The following KIF6 variants were observed in gnomAD, a reference collection of about 807,000 sequenced individuals.
The protein encoded by KIF6 is kinesin family member 6.
KIF6 carries 106 observed loss-of-function variants against 112.7 expected under a neutral mutation model. The observed-to-expected ratio is 0.94, with a 90% CI of 0.80 to 1.11. The LOEUF (loss-of-function observed/expected upper bound fraction) is 1.11, where lower values mean the gene tolerates loss of function less well. Among genes scored for constraint, KIF6 ranks in the 50% least tolerant of loss-of-function variants. KIF6 has a pLI of 0.00. For synonymous variants in KIF6, 339 were observed against 339.9 expected, an observed-to-expected ratio of 1.00 and a Z score of 0.03; for missense variants, 929 against 964.0, an observed-to-expected ratio of 0.96 and a Z score of 0.48.
intron 14 of KIF6, among the ~76,000 whole-genome samples, chr6:39,421,743 G>T (rs374667488): frequency 2.0e-5 from 3 of 152,182 alleles, no homozygotes; most frequent in Non-Finnish European, 4.4e-5. Context: ...CAGGCTCATC[G>T]TAGATTATGT....
At position 39,662,734 on chromosome 6, in the gene KIF6, TACTC is replaced by T. The variant is rs773049733; in HGVS notation, c.252-22981_252-22978del. On this transcript the variant is annotated intron_variant, in intron 3 of 22. Transcript: ENST00000287152. ...AAAAAAATTATCTTGAATAATAAAA[TACTC>T]AAACTGAAAACAAGATCCACAAAAG... Among the ~76,000 whole-genome samples the T allele has an allele frequency of 4.6e-5, 7 of 152,210 alleles. No homozygotes were observed. In the South Asian group the frequency reaches 1.5e-3, roughly 32 times the overall value.
chr6:39,528,633 T>G (rs1258246105), intron 13 of KIF6, among the ~76,000 whole-genome samples: 1 of 152,248 alleles, frequency 6.6e-6, no homozygotes, highest in Non-Finnish European at 1.5e-5. Context: ...TCCCCAACAC[T>G]TGTCATCTCT....
chr6:39,703,077 C>CT (rs1433235194), intron 3 of KIF6, among the ~76,000 whole-genome samples: 8 of 37,406 alleles, frequency 2.1e-4, no homozygotes, highest in African/African-American at 3.7e-4. Context: ...ATCCACCAAC[C>CT]CCCCACCCCC....
At chr6:39,556,635 C>T (rs79398881) in intron 10 of KIF6, among the ~76,000 whole-genome samples, 93 of 149,700 alleles carry the variant, frequency 6.2e-4, no homozygotes, top group African/African-American at 2.2e-3. Flanking sequence ...AGAGGCAAGA[C>T]GGCCGGTGGG....
chr6:39,431,657 AG>A (rs1210632066), intron 13 of KIF6, among the ~76,000 whole-genome samples: 1 of 152,144 alleles, frequency 6.6e-6, no homozygotes, highest in African/African-American at 2.4e-5. Context: ...GTGGTTAGTG[AG>A]GGGGTCTCGG....
At chr6:39,607,434 C>T (rs942736250) in intron 6 of KIF6, among the ~76,000 whole-genome samples, 2 of 152,060 alleles carry the variant, frequency 1.3e-5, no homozygotes, top group Admixed American at 6.5e-5. Flanking sequence ...AAATGCTTGT[C>T]ATATAGTAAG....
chr6:39,350,587 T>G (rs994613675), intron 19 of KIF6, among the ~76,000 whole-genome samples: 2 of 151,994 alleles, frequency 1.3e-5, no homozygotes, highest in Non-Finnish European at 2.9e-5. Context: ...CAGTGCTGTC[T>G]CCCTTGGGAA....
intron 20 of KIF6, among the ~76,000 whole-genome samples, chr6:39,346,169 C>CTCTCTCTCTCTCTCTCTCT (rs1763789974): frequency 1.4e-5 from 2 of 142,818 alleles, no homozygotes; most frequent in East Asian, 2.2e-4. Flanking sequence ...CTCTTTCTCT[C>CTCTCTCTCTCTCTCTCTCT]CTATGTGAGC....
rs2045576 is a variant in KIF6 at position 39,614,401 on chromosome 6, G to C, written c.510-1083C>G. ...TCCTTTAAAAGAAAAACTAGCAGATGGACATGTGTAATTTTCTTTTTTATA... is the reference window on the plus strand; with the variant it reads ...TCCTTTAAAAGAAAAACTAGCAGATCGACATGTGTAATTTTCTTTTTTATA... On this transcript the variant is annotated intron_variant, in intron 5 of 22. Transcript: ENST00000287152. Among the ~76,000 whole-genome samples the C allele has an allele frequency of 2.2e-3, 340 of 152,224 alleles. 1 individual carries two copies. Among genetic ancestry groups the C allele is most frequent in the Non-Finnish European group, 3.9e-3 (266 of 68,002 alleles).
In KIF6 at chr6:39,440,408, G is replaced by A. The variant is rs901170874; in HGVS notation, c.1646-9247C>T. ...TGCATACAAGAATGAGAAGCAATGG[G>A]CAGAGATCAAGTGTGTTTTTTGTAT... On this transcript the variant is annotated intron_variant, in intron 13 of 22. Coordinates refer to ENST00000287152, the MANE Select transcript of KIF6 (RefSeq NM_145027.6). Among the ~76,000 whole-genome samples, 223 of 152,346 alleles carry A rather than the reference G, an allele frequency of 1.5e-3. 7 individuals are homozygous for A. Among genetic ancestry groups the A allele is most frequent in the Admixed American group, 0.014 (221 of 15,306 alleles).
intron 13 of KIF6, among the ~76,000 whole-genome samples, chr6:39,441,195 T>A (rs1274068234): frequency 6.6e-6 from 1 of 152,202 alleles, no homozygotes; most frequent in Non-Finnish European, 1.5e-5. Context: ...AATCTCAGCA[T>A]CTTTCCTGGG....
chr6:39,708,387 A>C (rs982526489), intron 3 of KIF6, among the ~76,000 whole-genome samples: 4 of 152,330 alleles, frequency 2.6e-5, no homozygotes, highest in Non-Finnish European at 4.4e-5. Flanking sequence ...GCTCCTGATA[A>C]TGTTCATCAC....
In KIF6 at chr6:39,518,839, G is replaced by T. The variant is rs370902190; in HGVS notation, c.1645+21164C>A. On this transcript the variant is annotated intron_variant, in intron 13 of 22. Transcript: ENST00000287152. ...AAATGGTAAATGCTTAACTTCTAGA[G>T]AAATAAAATTTCTAAAAAGAGATCT... Among the ~76,000 whole-genome samples the T allele has an allele frequency of 2.6e-5, 4 of 152,212 alleles. No individual in the cohort carries two copies. The South Asian group carries it at 6.2e-4, about 24-fold the overall frequency.
chr6:39,542,224 G>C (rs1237594343), intron 12 of KIF6, among the ~76,000 whole-genome samples: 1 of 152,096 alleles, frequency 6.6e-6, no homozygotes, highest in Non-Finnish European at 1.5e-5. Flanking sequence ...ATCGCAATAC[G>C]AATCTATCTT....
chr6:39,657,879 C>A (rs1785895151), intron 3 of KIF6, among the ~76,000 whole-genome samples: 1 of 152,194 alleles, frequency 6.6e-6, no homozygotes, highest in South Asian at 2.1e-4. Flanking sequence ...GCTATACCAC[C>A]TTTGTCAAAC....
intron 13 of KIF6, among the ~76,000 whole-genome samples, chr6:39,525,178 T>C (rs1777641564): frequency 6.6e-6 from 1 of 152,100 alleles, no homozygotes; most frequent in Non-Finnish European, 1.5e-5. Context: ...GGTCTCACGT[T>C]GTCACCCAGG....
At chr6:39,549,332 T>A (rs1779242764) in intron 10 of KIF6, among the ~76,000 whole-genome samples, 1 of 152,200 alleles carries the variant, frequency 6.6e-6, no homozygotes, top group African/African-American at 2.4e-5. Context: ...ACAGCCAACA[T>A]TGAGCATGCA....
chr6:39,682,702 C>A (rs901231245), intron 3 of KIF6, among the ~76,000 whole-genome samples: 7 of 152,124 alleles, frequency 4.6e-5, no homozygotes, highest in African/African-American at 1.7e-4. Context: ...GCCTCAGCCT[C>A]CTGAGTAGCT....
intron 15 of KIF6, among the ~76,000 whole-genome samples, chr6:39,387,112 A>ATCCCTTCTACAGAAGGAAATGGGCATT (rs530052810): frequency 6.1e-4 from 93 of 152,240 alleles, no homozygotes; most frequent in African/African-American, 1.8e-3. Flanking sequence ...CAATTTAGGA[A>ATCCCTTCTACAGAAGGAAATGGGCATT]TCCCTTCTAC....
Sources: gnomAD v4.1 joint callset for allele counts (sites outside exome capture counted in the v4.1 genomes callset) on GRCh38, gnomAD v4.1.1 for gene constraint, MANE v1.5 for transcripts, NCBI Gene and HGNC (gene_info 2026-07-23, HGNC 2026-07-21) for gene names.